Variants in SCN9A observed in about 807,000 individuals in gnomAD.
SCN9A encodes the protein sodium voltage-gated channel alpha subunit 9.
A neutral mutation model predicts 187.0 loss-of-function variants in SCN9A; 131 were observed. That is an observed-to-expected ratio of 0.70 (90% CI 0.61 to 0.81). SCN9A has a LOEUF of 0.81. Among genes scored for constraint, SCN9A ranks in the 30% least tolerant of loss-of-function variants. SCN9A has a pLI of 0.00. For missense variants in SCN9A, 2,252 were observed against 2,396.6 expected, an observed-to-expected ratio of 0.94 and a Z score of 1.26; for synonymous variants, 809 against 808.6, an observed-to-expected ratio of 1.00 and a Z score of -0.01.
chr2:166,304,041 T>G, intron 6 of SCN9A, 197 bp downstream of exon 6: 1 of 1,613,256 alleles, frequency 6.2e-7, no homozygotes, highest in Non-Finnish European at 8.5e-7. Context: ...CTGGAATGAC[T>G]GAAATTGTTT....
At chr2:166,317,127 T>TA (rs1559038458) in intron 1 of SCN9A, among the ~76,000 whole-genome samples, 1 of 139,356 alleles carries the variant, frequency 7.2e-6, no homozygotes, top group Non-Finnish European at 1.6e-5. Flanking sequence ...AGTTTAGCCC[T>TA]AGTTAAGAGA....
intron 1 of SCN9A, among the ~76,000 whole-genome samples, chr2:166,373,581 C>T (rs116713443): frequency 7.9e-5 from 12 of 152,136 alleles, no homozygotes; most frequent in Non-Finnish European, 1.0e-4. Flanking sequence ...GATAGATCTA[C>T]TTACAGGCTG....
At chr2:166,302,910 T>G (rs1698618222) in intron 7 of SCN9A, 180 bp downstream of exon 7, 1 of 558,506 alleles carries the variant, frequency 1.8e-6, no homozygotes. Flanking sequence ...GCTAGATAGC[T>G]TAGAACCAGG....
At chr2:166,213,016 A>C (rs771980604) in intron 24 of SCN9A, among the ~76,000 whole-genome samples, 2 of 152,180 alleles carry the variant, frequency 1.3e-5, no homozygotes, top group Non-Finnish European at 2.9e-5. Context: ...ATTGAGATAC[A>C]TGTCTACATT....
At chr2:166,238,577 A>G (rs1398365562) in intron 19 of SCN9A, among the ~76,000 whole-genome samples, 5 of 152,256 alleles carry the variant, frequency 3.3e-5, no homozygotes, top group African/African-American at 4.8e-5. Flanking sequence ...CTCTTTCTCC[A>G]TTAAAATTGG....
chr2:166,243,109 T>C (rs1695638563), intron 18 of SCN9A, among the ~76,000 whole-genome samples: 1 of 152,098 alleles, frequency 6.6e-6, no homozygotes. Context: ...TTGAGAAAAT[T>C]AGTGGAAACT....
chr2:166,292,220 TATAAG>T (rs2106501001), intron 9 of SCN9A, among the ~76,000 whole-genome samples: 1 of 152,276 alleles, frequency 6.6e-6, no homozygotes, highest in African/African-American at 2.4e-5. Context: ...TAAACAAATT[TATAAG>T]ATAATTAACA....
chr2:166,248,833 A>AT (rs543290051), intron 18 of SCN9A, among the ~76,000 whole-genome samples: 30 of 151,028 alleles, frequency 2.0e-4, no homozygotes, highest in South Asian at 1.0e-3. Context: ...AGATCAATTA[A>AT]TTTTTTTTTC....
chr2:166,286,437 A>G lies in SCN9A; in HGVS notation c.1501T>C (p.Ser501Pro), dbSNP rs756281736. The change falls in exon 11 of 27, where the codon TCG (serine) becomes CCG (proline). Residue 501 changes from serine (S) to proline (P), a missense_variant. Physicochemically the swap from Ser to Pro is moderately conservative, Grantham distance 74 (BLOSUM62 -1). This residue lies in a region of SCN9A where 1,013 missense variants were observed against 997.4 expected (regional missense o/e 1.02). Transcript: ENST00000642356. ...GEEKGDAEKLSKSESEDSIRR... is the reference protein window; with the variant it reads ...GEEKGDAEKLPKSESEDSIRR... ...ATGCTGTCCTCTGATTCTGATTTCG[A>G]CAATTTCTCAGCATCTCCCTTTTCC... 1 of 1,613,820 alleles carries G rather than the reference A, an allele frequency of 6.2e-7. No homozygotes were observed. Among genetic ancestry groups the G allele is most frequent in the South Asian group, 1.1e-5 (1 of 91,058 alleles).
intron 2 of SCN9A, among the ~76,000 whole-genome samples, 165 bp downstream of exon 2, chr2:166,311,330 CTATA>C (rs10688081): frequency 0.012 from 545 of 46,514 alleles, 9 homozygotes; most frequent in Non-Finnish European, 0.014. Flanking sequence ...TCTGAATATC[CTATA>C]TATATATATA....
At chr2:166,331,306 T>C (rs1316579050) in intron 1 of SCN9A, among the ~76,000 whole-genome samples, 1 of 152,184 alleles carries the variant, frequency 6.6e-6, no homozygotes, top group Admixed American at 6.5e-5. Context: ...TCATTACTGA[T>C]AGTTGAGCAA....
chr2:166,272,426 A>G lies in SCN9A; in HGVS notation c.3324T>C (p.Ser1108=). The change falls in exon 17 of 27, where the codon AGT becomes AGC. Residue 1108 remains serine, a synonymous_variant. Coordinates refer to ENST00000642356, the MANE Select transcript of SCN9A (RefSeq NM_001365536.1). ...CTTTGCTGTATTCACTATCCGAATC[A>G]CTGCTAAGTTCCTCAGCATTCATAT... The part of the protein sequence containing the change: ...LENMNAEELS[S]DSDSEYSKVR... The G allele has an allele frequency of 6.2e-7, 1 of 1,601,716 alleles. No individual in the cohort carries two copies. The highest frequency in any genetic ancestry group is 8.5e-7 in the Non-Finnish European group (1 of 1,172,066).
At position 166,328,251 on chromosome 2, in the gene SCN9A, A is replaced by AT. The variant is rs74658674; in HGVS notation, c.-50-16446dup. On this transcript the variant is annotated intron_variant, in intron 1 of 26. Coordinates refer to ENST00000642356, the MANE Select transcript of SCN9A (RefSeq NM_001365536.1). ...CAAACTATATTTTTAGGATATATGC[A>AT]TTTTTTTTTTAACTTTTATTTTAAG... Among the ~76,000 whole-genome samples the AT allele has an allele frequency of 3.9e-3, 579 of 149,956 alleles. 11 individuals carry two copies. In the East Asian group the frequency reaches 0.065, roughly 17 times the overall value.
chr2:166,273,437 T>A (rs1444532269), intron 16 of SCN9A, among the ~76,000 whole-genome samples: 1 of 136,038 alleles, frequency 7.4e-6, no homozygotes, highest in African/African-American at 2.7e-5. Flanking sequence ...GCTAGAATAC[T>A]GCTTAATGTG....
rs946878239 is a variant in SCN9A, at chr2:166,311,856, G to C, written c.-50-50C>G. 3 of 1,198,122 alleles carry C rather than the reference G, an allele frequency of 2.5e-6. No homozygotes were observed. In the African/African-American group the frequency reaches 4.6e-5, roughly 18 times the overall value. The allele number at this position is 1,198,122 out of a possible 1,614,324, so 74.2% of individuals were successfully genotyped here. On this transcript the variant is annotated intron_variant, in intron 1 of 26. Coordinates refer to ENST00000642356, the MANE Select transcript of SCN9A (RefSeq NM_001365536.1). The stretch of plus-strand genomic sequence containing the variant: ...ACTTAACTATTTGCCTGCCAAGAAA[G>C]GCCCATTAAAAACTAATAATAACAA...
chr2:166,277,413 C>A, intron 15 of SCN9A, 74 bp from the exon 16 acceptor site: 1 of 1,005,102 alleles, frequency 9.9e-7, no homozygotes, highest in South Asian at 1.6e-5. Flanking sequence ...GATTTTTGTT[C>A]AAAGGGTAAA....
At chr2:166,277,876 A>G (rs1574852915) in intron 15 of SCN9A, 1 of 325,632 alleles carries the variant, frequency 3.1e-6, no homozygotes, top group African/African-American at 2.1e-5. Context: ...GAAATAAATT[A>G]TTGTACTATA....
At chr2:166,353,502 A>C (rs1473272799) in intron 1 of SCN9A, among the ~76,000 whole-genome samples, 1 of 152,148 alleles carries the variant, frequency 6.6e-6, no homozygotes, top group Admixed American at 6.6e-5. Context: ...CCCTATTTGC[A>C]GTCTACATTC....
chr2:166,297,196 C>CAAAAACAAAAAAAAAAAA (rs1698346969), intron 7 of SCN9A, among the ~76,000 whole-genome samples: 1 of 32,892 alleles, frequency 3.0e-5, no homozygotes, highest in African/African-American at 9.9e-5. Flanking sequence ...GACTCCATCT[C>CAAAAACAAAAAAAAAAAA]AAAAAAAAAA....
Sources: allele counts gnomAD v4.1 joint callset (sites outside exome capture counted in the v4.1 genomes callset), GRCh38; gene constraint gnomAD v4.1.1; regional missense constraint gnomAD v4.1.1; transcripts MANE v1.5; gene names NCBI Gene and HGNC (gene_info 2026-07-23, HGNC 2026-07-21).